SOS1: variants seen among roughly 807,000 people sequenced by gnomAD.
The protein encoded by SOS1 is son of sevenless homolog 1.
SOS1 carries 25 observed loss-of-function variants against 157.6 expected under a neutral mutation model. The observed-to-expected ratio is 0.16, with a 90% CI of 0.12 to 0.22. The LOEUF (loss-of-function observed/expected upper bound fraction) is 0.22, where lower values mean the gene tolerates loss of function less well. Ranked by LOEUF, SOS1 falls within the 10% of genes least tolerant of loss-of-function variation. The pLI is 1.00. For synonymous variants in SOS1, 528 were observed against 534.0 expected, an observed-to-expected ratio of 0.99 and a Z score of 0.16; for missense variants, 1,237 against 1,599.1, an observed-to-expected ratio of 0.77 and a Z score of 3.86.
At chr2:39,019,655 CTAAATT>C (rs916922500) in intron 10 of SOS1, among the ~76,000 whole-genome samples, 24 of 151,702 alleles carry the variant, frequency 1.6e-4, no homozygotes, top group African/African-American at 5.8e-4. Context: ...TCTAATTCAC[CTAAATT>C]TAAATTTTTC....
In SOS1 at chr2:39,102,868, T is replaced by C. The variant is rs183910310; in HGVS notation, c.87+17468A>G. 1.0e-3 allele frequency among the ~76,000 whole-genome samples: 156 copies of C among 152,200 alleles called. 1 individual carries two copies. The highest frequency in any genetic ancestry group is 8.7e-3 in the Admixed American group (133 of 15,292). Reference sequence around the variant, plus strand: ...TACTCAGGAGGCTGAGATGGGAAGATTGCTGGAGCCCAGGAAGTTGAGGCT... The same window carrying C: ...TACTCAGGAGGCTGAGATGGGAAGACTGCTGGAGCCCAGGAAGTTGAGGCT... On this transcript the variant is annotated intron_variant, in intron 1 of 22. Transcript: ENST00000402219.
chr2:39,036,883 C>T (rs1670373523), intron 6 of SOS1, among the ~76,000 whole-genome samples: 1 of 151,804 alleles, frequency 6.6e-6, no homozygotes, highest in South Asian at 2.1e-4. Context: ...CCTGACCAGG[C>T]TGGTCTTGAT....
At chr2:39,029,562 TGCAGTGA>T (rs1259275283) in intron 8 of SOS1, among the ~76,000 whole-genome samples, 1 of 152,192 alleles carries the variant, frequency 6.6e-6, no homozygotes, top group Admixed American at 6.5e-5. Flanking sequence ...AGGTTGAGGA[TGCAGTGA>T]GCAGTGACTG....
At chr2:39,043,286 A>T (rs1558484675) in intron 6 of SOS1, among the ~76,000 whole-genome samples, 1 of 152,216 alleles carries the variant, frequency 6.6e-6, no homozygotes, top group Non-Finnish European at 1.5e-5. Flanking sequence ...TAAAATGTCA[A>T]ACCACATAAG....
At chr2:39,118,272 A>G (rs1198554647) in intron 1 of SOS1, among the ~76,000 whole-genome samples, 3 of 152,244 alleles carry the variant, frequency 2.0e-5, no homozygotes, top group Admixed American at 2.0e-4. Context: ...GTAAGAGAAC[A>G]CAAGTCGGAT....
At chr2:39,008,897 G>A (rs1266158717) in intron 15 of SOS1, among the ~76,000 whole-genome samples, 1 of 122,040 alleles carries the variant, frequency 8.2e-6, no homozygotes, top group East Asian at 2.8e-4. Flanking sequence ...GAAATGTCAG[G>A]TTTCCAGCAA....
At chr2:39,099,336 A>G (rs1048137634) in intron 1 of SOS1, among the ~76,000 whole-genome samples, 1 of 152,212 alleles carries the variant, frequency 6.6e-6, no homozygotes, top group African/African-American at 2.4e-5. Context: ...TAAGTGAAAA[A>G]AGGCAGTCAT....
At chr2:39,080,661 C>A (rs1420047118) in intron 1 of SOS1, among the ~76,000 whole-genome samples, 1 of 151,866 alleles carries the variant, frequency 6.6e-6, no homozygotes, top group Non-Finnish European at 1.5e-5. Flanking sequence ...AATTTGGATG[C>A]TGAGTATTGA....
chr2:39,098,675 GTT>G (rs1672858875), intron 1 of SOS1, among the ~76,000 whole-genome samples: 1 of 152,180 alleles, frequency 6.6e-6, no homozygotes, highest in Non-Finnish European at 1.5e-5. Flanking sequence ...AGATCACGAA[GTT>G]AGGAGATCAA....
intron 20 of SOS1, 27 bp from the exon 21 acceptor site, chr2:38,989,341 AT>A: frequency 2.6e-6 from 4 of 1,547,832 alleles, no homozygotes; most frequent in Non-Finnish European, 3.6e-6. Context: ...GAAAAAGTAG[AT>A]TTTTTTCTTT....
intron 5 of SOS1, among the ~76,000 whole-genome samples, chr2:39,054,174 G>A (rs912165338): frequency 3.3e-5 from 5 of 152,144 alleles, no homozygotes; most frequent in South Asian, 2.1e-4. Flanking sequence ...TGATCTGCCC[G>A]CCTCGGCCTC....
At chr2:39,067,522 T>C in intron 2 of SOS1, 106 bp downstream of exon 2, 1 of 1,002,296 alleles carries the variant, frequency 1.0e-6, no homozygotes, top group Admixed American at 1.7e-5. Context: ...CTTCATTTTC[T>C]TATATACCAT....
At chr2:39,084,415 G>A (rs1300969973) in intron 1 of SOS1, among the ~76,000 whole-genome samples, 1 of 151,808 alleles carries the variant, frequency 6.6e-6, no homozygotes, top group Non-Finnish European at 1.5e-5. Flanking sequence ...ATTTATACAC[G>A]AGCAGGACAG....
upstream of SOS1, among the ~76,000 whole-genome samples, chr2:39,122,225 T>C (rs534009763): frequency 6.6e-5 from 10 of 150,606 alleles, no homozygotes; most frequent in East Asian, 1.8e-3. Context: ...AGGTCAGGAG[T>C]TCCAGACTAG....
chr2:39,080,378 C>T (rs1672160703), intron 1 of SOS1, among the ~76,000 whole-genome samples: 1 of 152,102 alleles, frequency 6.6e-6, no homozygotes, highest in African/African-American at 2.4e-5. Context: ...AAGCTTTGCT[C>T]ACTCACCCAC....
chr2:39,034,736 T>G, intron 8 of SOS1: 2 of 453,354 alleles, frequency 4.4e-6, no homozygotes, highest in East Asian at 6.9e-5. Flanking sequence ...ATACAGATAG[T>G]TGCAAACTTG....
chr2:39,095,944 A>C (rs954545055), intron 1 of SOS1, among the ~76,000 whole-genome samples: 2 of 152,202 alleles, frequency 1.3e-5, no homozygotes, highest in Non-Finnish European at 2.9e-5. Flanking sequence ...TTTTCTATGC[A>C]TTTTACAGTT....
At chr2:38,994,813 G>C (rs1165178646) in intron 20 of SOS1, among the ~76,000 whole-genome samples, 1 of 152,130 alleles carries the variant, frequency 6.6e-6, no homozygotes, top group Non-Finnish European at 1.5e-5. Flanking sequence ...TTTTAAGACT[G>C]ATCTTTGTCT....
intron 8 of SOS1, among the ~76,000 whole-genome samples, chr2:39,027,163 C>T (rs981454617): frequency 1.2e-4 from 19 of 152,098 alleles, no homozygotes; most frequent in African/African-American, 4.3e-4. Context: ...TTCAGGAAAA[C>T]ATACCTAATG....
Sources: gnomAD v4.1 joint callset for allele counts (sites outside exome capture counted in the v4.1 genomes callset) on GRCh38, gnomAD v4.1.1 for gene constraint, MANE v1.5 for transcripts, NCBI Gene and HGNC (gene_info 2026-07-23, HGNC 2026-07-21) for gene names.